Variants in ZBTB20 observed in about 807,000 individuals in gnomAD.
ZBTB20 encodes the protein zinc finger and BTB domain containing 20.
A neutral mutation model predicts 56.9 loss-of-function variants in ZBTB20; 9 were observed. The ratio of observed to expected loss-of-function variants is 0.16; its 90% CI spans 0.10 to 0.28. The LOEUF (loss-of-function observed/expected upper bound fraction) is 0.28. Among genes scored for constraint, ZBTB20 ranks in the 10% least tolerant of loss-of-function variants. The pLI is 1.00. For missense variants in ZBTB20, 655 were observed against 1,003.0 expected, an observed-to-expected ratio of 0.65 and a Z score of 4.69; for synonymous variants, 417 against 420.7, an observed-to-expected ratio of 0.99 and a Z score of 0.11.
chr3:114,878,052 A>G (rs1017684667), intron 4 of ZBTB20, among the ~76,000 whole-genome samples: 1 of 152,164 alleles, frequency 6.6e-6, no homozygotes, highest in Admixed American at 6.6e-5. Context: ...CAAACAATGA[A>G]AAAAAGAAAC....
chr3:114,584,512 A>G (rs2054973892), intron 6 of ZBTB20, among the ~76,000 whole-genome samples: 1 of 151,598 alleles, frequency 6.6e-6, no homozygotes, highest in African/African-American at 2.4e-5. Flanking sequence ...CAGGGACAAT[A>G]TCCCTAACTC....
chr3:114,536,111 C>T (rs1400132093), intron 6 of ZBTB20, among the ~76,000 whole-genome samples: 1 of 152,154 alleles, frequency 6.6e-6, no homozygotes, highest in Non-Finnish European at 1.5e-5. Context: ...CTTCTCTCAC[C>T]ACTCCTATTT....
At chr3:115,081,748 T>C (rs1560556759) in intron 1 of ZBTB20, among the ~76,000 whole-genome samples, 2 of 152,126 alleles carry the variant, frequency 1.3e-5, no homozygotes, top group Admixed American at 6.6e-5. Flanking sequence ...CTTGAAATGT[T>C]TGACTTCACC....
At chr3:114,787,278 CATGA>C (rs1324916343) in intron 5 of ZBTB20, among the ~76,000 whole-genome samples, 1 of 148,400 alleles carries the variant, frequency 6.7e-6, no homozygotes, top group Non-Finnish European at 1.5e-5. Flanking sequence ...CATACCCAGC[CATGA>C]ATGAGTCTTA....
intron 4 of ZBTB20, among the ~76,000 whole-genome samples, chr3:114,861,459 G>A (rs1028530214): frequency 6.6e-6 from 1 of 151,944 alleles, no homozygotes; most frequent in Non-Finnish European, 1.5e-5. Context: ...TACAGTTTAA[G>A]CCTCACCTTA....
rs2107987574 is a variant in ZBTB20 at position 114,318,974 on chromosome 3, A to G, written c.*20031T>C. On this transcript the variant is annotated 3_prime_UTR_variant, in exon 12 of 12. Transcript: ENST00000675478. ...TCTAAAAAAAGAATAAAACAAGAACAATCCCTTTACTTACTCATCTGAAAC... is the reference window on the plus strand; with the variant it reads ...TCTAAAAAAAGAATAAAACAAGAACGATCCCTTTACTTACTCATCTGAAAC... 6.6e-6 allele frequency: 1 copy of G among 152,276 alleles called. No individual in the cohort carries two copies. The highest frequency in any genetic ancestry group is 1.5e-5 in the Non-Finnish European group (1 of 68,020). The allele number at this position is 152,276 out of a possible 1,614,324, so 9.4% of individuals were successfully genotyped here.
chr3:114,380,603 A>T (rs2084204287), intron 9 of ZBTB20, among the ~76,000 whole-genome samples, 174 bp downstream of exon 9: 1 of 152,138 alleles, frequency 6.6e-6, no homozygotes, highest in South Asian at 2.1e-4. Flanking sequence ...ACATGAAAGC[A>T]TATGGGCCAA....
At chr3:114,540,570 C>T (rs768988216) in intron 6 of ZBTB20, among the ~76,000 whole-genome samples, 14 of 152,120 alleles carry the variant, frequency 9.2e-5, no homozygotes, top group South Asian at 2.1e-4. Context: ...CCAGTGCAGG[C>T]TACAGTTGCT....
chr3:114,652,950 C>T (rs2060209413), intron 6 of ZBTB20, among the ~76,000 whole-genome samples: 1 of 151,854 alleles, frequency 6.6e-6, no homozygotes, highest in South Asian at 2.1e-4. Context: ...AAATTATTTG[C>T]CGGTACTACA....
At chr3:115,101,423 T>C (rs1300717262) in intron 1 of ZBTB20, among the ~76,000 whole-genome samples, 2 of 152,192 alleles carry the variant, frequency 1.3e-5, no homozygotes, top group Non-Finnish European at 2.9e-5. Flanking sequence ...TCCCACCCAC[T>C]TTCCCCACTC....
At chr3:114,807,368 C>A (rs1316035201) in intron 4 of ZBTB20, among the ~76,000 whole-genome samples, 1 of 151,900 alleles carries the variant, frequency 6.6e-6, no homozygotes, top group South Asian at 2.1e-4. Context: ...AATTTCCAAT[C>A]TGTATGCCAC....
chr3:114,688,897 A>C (rs898359328), intron 6 of ZBTB20, among the ~76,000 whole-genome samples: 1 of 152,178 alleles, frequency 6.6e-6, no homozygotes, highest in Non-Finnish European at 1.5e-5. Context: ...GGAGGACAGA[A>C]CATACATAAC....
chr3:114,591,775 T>C (rs2055788966), intron 6 of ZBTB20, among the ~76,000 whole-genome samples: 1 of 152,236 alleles, frequency 6.6e-6, no homozygotes, highest in Admixed American at 6.5e-5. Context: ...TTCATTTCAG[T>C]CCTCCCTCTG....
chr3:115,124,186 T>C (rs2084259255), intron 1 of ZBTB20, among the ~76,000 whole-genome samples: 1 of 152,224 alleles, frequency 6.6e-6, no homozygotes, highest in South Asian at 2.1e-4. Context: ...TAAAAAGTAA[T>C]GTAAGTGAAT....
chr3:114,580,378 C>T lies in ZBTB20; in HGVS notation c.-294-79987G>A, dbSNP rs988652762. Among the ~76,000 whole-genome samples, 9 of 151,698 alleles carry T rather than the reference C, an allele frequency of 5.9e-5. No individual in the cohort carries two copies. In the South Asian group the frequency reaches 1.0e-3, roughly 17 times the overall value. ...AAGAACTTCCTTAATACAATAATTTCGATTTCTCAAAATCCCAAGCAAATG... is the reference window on the plus strand; with the variant it reads ...AAGAACTTCCTTAATACAATAATTTTGATTTCTCAAAATCCCAAGCAAATG... On this transcript the variant is annotated intron_variant, in intron 6 of 11. Transcript: ENST00000675478.
At chr3:114,432,310 A>G (rs1402248918) in intron 7 of ZBTB20, among the ~76,000 whole-genome samples, 1 of 152,200 alleles carries the variant, frequency 6.6e-6, no homozygotes, top group African/African-American at 2.4e-5. Flanking sequence ...GCAAAGAAAA[A>G]GCTTGGAAAA....
intron 1 of ZBTB20, among the ~76,000 whole-genome samples, chr3:115,138,546 T>C (rs1330631752): frequency 6.6e-6 from 1 of 152,026 alleles, no homozygotes; most frequent in Non-Finnish European, 1.5e-5. Context: ...AGAATAGTGG[T>C]CTGATGGGGT....
intron 6 of ZBTB20, among the ~76,000 whole-genome samples, chr3:114,503,220 A>G (rs920269922): frequency 2.6e-5 from 4 of 152,296 alleles, no homozygotes; most frequent in South Asian, 2.1e-4. Flanking sequence ...GGAGAGAAAA[A>G]TTACAGTGTG....
intron 5 of ZBTB20, among the ~76,000 whole-genome samples, chr3:114,741,576 T>C (rs947015183): frequency 6.6e-6 from 1 of 152,134 alleles, no homozygotes; most frequent in African/African-American, 2.4e-5. Context: ...CTAAGGCTTC[T>C]CTACGACATA....
Sources: gnomAD v4.1 joint callset for allele counts (sites outside exome capture counted in the v4.1 genomes callset) on GRCh38, gnomAD v4.1.1 for gene constraint, MANE v1.5 for transcripts, NCBI Gene and HGNC (gene_info 2026-07-23, HGNC 2026-07-21) for gene names.